The following VAV1 variants were observed in gnomAD, a reference collection of about 807,000 sequenced individuals.
VAV1 encodes vav guanine nucleotide exchange factor 1, also known as proto-oncogene vav.
Under a neutral mutation model 128.1 loss-of-function variants are expected in VAV1, and 33 were observed. The observed-to-expected ratio is 0.26, with a 90% CI of 0.20 to 0.34. The LOEUF (loss-of-function observed/expected upper bound fraction) is 0.34, where lower values mean the gene tolerates loss of function less well. Ranked by LOEUF, VAV1 falls within the 10% of genes least tolerant of loss-of-function variation. The pLI is 1.00. For missense variants in VAV1, 715 were observed against 1,093.7 expected, an observed-to-expected ratio of 0.65 and a Z score of 4.88; for synonymous variants, 394 against 409.8, an observed-to-expected ratio of 0.96 and a Z score of 0.47.
chr19:6,844,731 C>T (rs2144816452), intron 22 of VAV1, among the ~76,000 whole-genome samples: 1 of 152,090 alleles, frequency 6.6e-6, no homozygotes, highest in East Asian at 1.9e-4. Flanking sequence ...CCTTCTGCGC[C>T]GAGATGTGGT....
rs1225296262 is a variant in VAV1 at position 6,836,517 on chromosome 19, T to C, written c.1863T>C (p.Pro621=). 6.2e-7 allele frequency: 1 copy of C among 1,613,912 alleles called. No individual in the cohort carries two copies. The highest frequency in any genetic ancestry group is 8.5e-7 in the Non-Finnish European group (1 of 1,180,002). ...GAIGPFLRLN[P]GDIVELTKAE... ...TTGGACCCTTTCTACGGCTCAACCC[T>C]GGAGACATTGTGGAGCTCACGAAGG... The change falls in exon 20 of 27, where the codon CCT becomes CCC. Residue 621 remains proline, a synonymous_variant. Coordinates refer to ENST00000602142, the MANE Select transcript of VAV1 (RefSeq NM_005428.4).
rs867134628 is a variant in VAV1, at chr19:6,833,698, T to C, written c.1709-13T>C. On this transcript the variant is annotated splice_polypyrimidine_tract_variant and intron_variant, in intron 17 of 26. Transcript: ENST00000602142. ...GATTTCCCGTTCTCACCATTTCCTT[T>C]ACCCTCCCGTAGATTTCCCAGGAAC... The C allele has an allele frequency of 1.2e-5, 20 of 1,614,158 alleles. No individual in the cohort carries two copies. The Middle Eastern group carries it at 2.1e-3, about 173-fold the overall frequency.
In VAV1 at chr19:6,772,879, C is replaced by T; in HGVS notation, c.72C>T (p.Thr24=). 1.2e-6 allele frequency: 2 copies of T among 1,614,150 alleles called. No individual in the cohort carries two copies. The highest frequency in any genetic ancestry group is 1.7e-6 in the Non-Finnish European group (2 of 1,179,994). The part of the protein sequence containing the change: ...CRVLPPSHRV[T]WDGAQVCELA... ...TGCTGCCGCCCAGCCACCGCGTGAC[C>T]TGGGATGGGGCTCAGGTGTGTGAAC... The change falls in exon 1 of 27, where the codon ACC becomes ACT. Residue 24 remains threonine, a synonymous_variant. Coordinates refer to ENST00000602142, the MANE Select transcript of VAV1 (RefSeq NM_005428.4). This position sits in a 1 kb window ranked among gnomAD's most constrained non-coding sequence, Gnocchi z 4.8.
chr19:6,782,820 T>C (rs1217117918), intron 1 of VAV1, among the ~76,000 whole-genome samples: 1 of 151,362 alleles, frequency 6.6e-6, no homozygotes, highest in African/African-American at 2.4e-5. Flanking sequence ...AATTGGAGGC[T>C]GCAGTGAGCT....
intron 23 of VAV1, among the ~76,000 whole-genome samples, chr19:6,848,781 TA>T (rs1308912016): frequency 2.0e-5 from 3 of 151,372 alleles, no homozygotes; most frequent in African/African-American, 7.3e-5. Flanking sequence ...CTAATTTTTT[TA>T]ATTTAATTTT....
intron 7 of VAV1, 46 bp from the exon 8 acceptor site, chr19:6,825,255 CCT>C (rs763298675): frequency 6.3e-7 from 1 of 1,589,428 alleles, no homozygotes; most frequent in Non-Finnish European, 8.6e-7. Context: ...TTCCTGGCCC[CCT>C]GAGCCCTGGG....
chr19:6,821,108 A>G (rs1310728413), intron 2 of VAV1, among the ~76,000 whole-genome samples: 1 of 152,196 alleles, frequency 6.6e-6, no homozygotes, highest in Non-Finnish European at 1.5e-5. Context: ...AGGATTAAAT[A>G]GAAAGATAGA....
intron 1 of VAV1, among the ~76,000 whole-genome samples, chr19:6,814,663 C>CTTTCTTTCTTTCTTTCTTT (rs1568299110): frequency 3.4e-4 from 9 of 26,544 alleles, no homozygotes; most frequent in South Asian, 1.3e-3. Context: ...TTCCTTCCTT[C>CTTTCTTTCTTTCTTTCTTT]CTTCCTTCCT....
chr19:6,786,138 C>G (rs1420041447), intron 1 of VAV1, among the ~76,000 whole-genome samples: 1 of 152,120 alleles, frequency 6.6e-6, no homozygotes, highest in African/African-American at 2.4e-5. Context: ...AATGTCAAGG[C>G]AAGGATTTTT....
intron 1 of VAV1, among the ~76,000 whole-genome samples, chr19:6,818,913 C>T (rs747148078): frequency 1.6e-4 from 24 of 152,108 alleles, no homozygotes; most frequent in Non-Finnish European, 2.9e-4. Flanking sequence ...GTCAAGAGTT[C>T]AAGACCAGCC....
At chr19:6,780,033 C>A (rs557985079) in intron 1 of VAV1, among the ~76,000 whole-genome samples, 1 of 148,340 alleles carries the variant, frequency 6.7e-6, no homozygotes, top group South Asian at 2.2e-4. Flanking sequence ...ATGGCATGAA[C>A]CTGGGAGGCG....
chr19:6,823,687 AC>A (rs1971850424), intron 6 of VAV1, among the ~76,000 whole-genome samples: 1 of 151,450 alleles, frequency 6.6e-6, no homozygotes, highest in Non-Finnish European at 1.5e-5. Flanking sequence ...TCCTCTCGCT[AC>A]TTTCTTCCTC....
intron 1 of VAV1, among the ~76,000 whole-genome samples, chr19:6,815,538 A>G (rs1175132267): frequency 6.6e-6 from 1 of 152,216 alleles, no homozygotes; most frequent in African/African-American, 2.4e-5. Context: ...CATGTTCCAT[A>G]TGCAATGGGT....
chr19:6,831,289 T>G (rs1057318358), intron 14 of VAV1, among the ~76,000 whole-genome samples: 16 of 152,036 alleles, frequency 1.1e-4, no homozygotes, highest in Non-Finnish European at 1.0e-4. Flanking sequence ...GCCCTGGAGT[T>G]CCCCCTGTGC....
chr19:6,818,859 T>C (rs1241333378), intron 1 of VAV1, among the ~76,000 whole-genome samples: 1 of 152,152 alleles, frequency 6.6e-6, no homozygotes, highest in South Asian at 2.1e-4. Flanking sequence ...CTCACACCTG[T>C]AATCCCAGCA....
At chr19:6,850,325 A>G (rs1321472351) in intron 23 of VAV1, among the ~76,000 whole-genome samples, 1 of 144,058 alleles carries the variant, frequency 6.9e-6, no homozygotes, top group African/African-American at 2.6e-5. Flanking sequence ...TGTTGACAGA[A>G]ATGGGTCTTT....
At chr19:6,845,557 T>C (rs1204350934) in intron 22 of VAV1, among the ~76,000 whole-genome samples, 1 of 151,560 alleles carries the variant, frequency 6.6e-6, no homozygotes, top group Non-Finnish European at 1.5e-5. Context: ...TACATATGAT[T>C]TATAATTAAT....
intron 15 of VAV1, among the ~76,000 whole-genome samples, 170 bp from the exon 16 acceptor site, chr19:6,833,014 A>C (rs1294941055): frequency 6.6e-6 from 1 of 152,308 alleles, no homozygotes; most frequent in South Asian, 2.1e-4. Context: ...CCCAATGTGC[A>C]TGGCAGCACG....
At chr19:6,827,602 T>C (rs1272505406) in intron 9 of VAV1, among the ~76,000 whole-genome samples, 1 of 152,014 alleles carries the variant, frequency 6.6e-6, no homozygotes, top group African/African-American at 2.4e-5. Context: ...GTTTGTTTGT[T>C]TGTCTTTGTT....
Sources: allele counts gnomAD v4.1 joint callset (sites outside exome capture counted in the v4.1 genomes callset), GRCh38; gene constraint gnomAD v4.1.1; non-coding constraint Gnocchi (gnomAD v3.1); transcripts MANE v1.5; gene names NCBI Gene and HGNC (gene_info 2026-07-23, HGNC 2026-07-21).